The following SLC2A9 variants were observed in gnomAD, a reference collection of about 807,000 sequenced individuals.
SLC2A9 encodes the protein solute carrier family 2, facilitated glucose transporter member 9.
Under a neutral mutation model 50.6 loss-of-function variants are expected in SLC2A9, and 39 were observed. The observed-to-expected ratio is 0.77, with a 90% CI of 0.60 to 1.01. SLC2A9 has a LOEUF of 1.01. Among genes scored for constraint, SLC2A9 ranks in the 50% least tolerant of loss-of-function variants. The pLI, the probability that SLC2A9 is intolerant of heterozygous loss-of-function variation, is 0.00. For synonymous variants in SLC2A9, 324 were observed against 276.9 expected (o/e 1.17, Z -1.69); for missense variants, 686 against 677.6 (o/e 1.01, Z -0.14).
intron 10 of SLC2A9, among the ~76,000 whole-genome samples, chr4:9,864,079 A>T (rs1171016939): frequency 1.3e-5 from 2 of 152,008 alleles, no homozygotes; most frequent in African/African-American, 4.8e-5. Context: ...ACCATGCTTC[A>T]GTCTGCAAGT....
intron 10 of SLC2A9, among the ~76,000 whole-genome samples, chr4:9,838,477 C>A (rs1231986697): frequency 1.3e-5 from 2 of 152,130 alleles, no homozygotes; most frequent in African/African-American, 4.8e-5. Context: ...CTACCATTGA[C>A]ATTCTTCACA....
intron 11 of SLC2A9, among the ~76,000 whole-genome samples, chr4:9,830,394 A>G (rs1464130962): frequency 6.6e-6 from 1 of 152,204 alleles, no homozygotes; most frequent in Non-Finnish European, 1.5e-5. Context: ...TAGGAAGAAT[A>G]GCTAATGGAC....
Position 10,019,399 on chromosome 4 carries a change from T to G in SLC2A9, c.151-326A>C, listed in dbSNP as rs1763219146. The G allele has an allele frequency of 2.6e-5, 11 of 427,670 alleles. No homozygotes were observed. In the South Asian group the frequency reaches 3.2e-4, roughly 12 times the overall value. 26.5% of individuals were successfully genotyped at this position (427,670 alleles called of 1,614,324 possible). A position where few individuals can be genotyped will look rare whatever the true frequency, so the allele number is the denominator to read the frequency against. On this transcript the variant is annotated intron_variant, in intron 1 of 11. Coordinates refer to ENST00000264784, the MANE Select transcript of SLC2A9 (RefSeq NM_020041.3). ...ATCCTTTCAGCGAAGTTGGCGAGTGTCCGACCCAGACAGAAAAAAGCAAAG... is the reference window on the plus strand; with the variant it reads ...ATCCTTTCAGCGAAGTTGGCGAGTGGCCGACCCAGACAGAAAAAAGCAAAG...
upstream of SLC2A9, among the ~76,000 whole-genome samples, chr4:10,022,799 T>G (rs1393271232): frequency 6.6e-6 from 1 of 152,190 alleles, no homozygotes; most frequent in Non-Finnish European, 1.5e-5. Context: ...GGCCCTGACA[T>G]GCACGGTGGT....
At chr4:10,028,535 G>A (rs1471190013) in intron 1 of SLC2A9, among the ~76,000 whole-genome samples, 1 of 151,632 alleles carries the variant, frequency 6.6e-6, no homozygotes, top group Admixed American at 6.6e-5. Context: ...TCACAGGAAG[G>A]ACAACATTAT....
At chr4:9,779,104 C>T (rs116528390), downstream of SLC2A9, among the ~76,000 whole-genome samples, 953 of 152,286 alleles carry the variant, frequency 6.3e-3, 8 homozygotes, top group African/African-American at 0.022. Flanking sequence ...TATTAACTCA[C>T]TTCCCAGATG....
chr4:10,019,211 G>C, intron 1 of SLC2A9, 138 bp from the exon 2 acceptor site: 1 of 721,552 alleles, frequency 1.4e-6, no homozygotes, highest in Non-Finnish European at 2.4e-6. Context: ...GAGACAGAGA[G>C]AAGAGACGCA....
chr4:9,791,366 G>C (rs754524039), intron 3 of SLC2A9, among the ~76,000 whole-genome samples: 4 of 152,216 alleles, frequency 2.6e-5, no homozygotes, highest in Non-Finnish European at 2.9e-5. Context: ...CAGATACTGT[G>C]TCTCTCTAGT....
chr4:9,874,128 T>A (rs1441757027), intron 10 of SLC2A9, among the ~76,000 whole-genome samples: 1 of 152,208 alleles, frequency 6.6e-6, no homozygotes, highest in Non-Finnish European at 1.5e-5. Context: ...CAGTTTTACA[T>A]GTGTCCTAGG....
Position 9,826,509 on chromosome 4 carries a change from T to G in SLC2A9, c.1511A>C (p.Asn504Thr), listed in dbSNP as rs1445138560. ...YLYFVLPETK[N>T]RTYAEISQAF... ...CTGGCTGATTTCTGCATAGGTTCTG[T>G]TTTTGGTCTCAGGCAGCACAAAATA... The change falls in exon 12 of 12, where the codon AAC (asparagine) becomes ACC (threonine). Residue 504 changes from asparagine to threonine, a missense_variant. Coordinates refer to ENST00000264784, the MANE Select transcript of SLC2A9 (RefSeq NM_020041.3). 1.2e-6 allele frequency: 2 copies of G among 1,614,002 alleles called. No homozygotes were observed. Among genetic ancestry groups the G allele is most frequent in the Non-Finnish European group, 1.7e-6 (2 of 1,179,886 alleles).
chr4:9,835,114 T>C (rs1726816712), intron 10 of SLC2A9, 106 bp from the exon 11 acceptor site: 1 of 1,519,146 alleles, frequency 6.6e-7, no homozygotes, highest in South Asian at 1.2e-5. Flanking sequence ...CCCTGCCCCT[T>C]GACTGGATGT....
intron 10 of SLC2A9, among the ~76,000 whole-genome samples, chr4:9,852,541 C>T (rs368151121): frequency 9.5e-4 from 144 of 152,264 alleles, no homozygotes; most frequent in African/African-American, 2.9e-3. Context: ...CATGAGCCAC[C>T]GCGCCCGGCC....
At chr4:9,979,762 A>G (rs1450654924) in intron 5 of SLC2A9, among the ~76,000 whole-genome samples, 1 of 152,094 alleles carries the variant, frequency 6.6e-6, no homozygotes, top group Non-Finnish European at 1.5e-5. Context: ...CCCAGGGTGA[A>G]GTCTGTGGTG....
At chr4:9,787,101 C>T (rs1327891160) in intron 3 of SLC2A9, among the ~76,000 whole-genome samples, 1 of 152,202 alleles carries the variant, frequency 6.6e-6, no homozygotes, top group East Asian at 1.9e-4. Flanking sequence ...CCTTTCTGAG[C>T]TCCAGCTTCT....
At chr4:9,971,178 C>T (rs1415960872) in intron 5 of SLC2A9, among the ~76,000 whole-genome samples, 1 of 152,180 alleles carries the variant, frequency 6.6e-6, no homozygotes, top group Non-Finnish European at 1.5e-5. Flanking sequence ...TTGTCTGTGG[C>T]TCATCCTGCT....
intron 3 of SLC2A9, among the ~76,000 whole-genome samples, chr4:9,986,398 T>A (rs1460682475): frequency 1.3e-5 from 2 of 152,200 alleles, no homozygotes; most frequent in East Asian, 3.8e-4. Context: ...TCACTGGGAC[T>A]GGCAGGAAAC....
intron 8 of SLC2A9, among the ~76,000 whole-genome samples, chr4:9,901,378 A>G (rs1005875526): frequency 5.9e-5 from 9 of 152,194 alleles, no homozygotes; most frequent in African/African-American, 2.2e-4. Context: ...AATTGAACTC[A>G]GTCCTTTCGA....
At chr4:9,828,963 G>T (rs539910711) in intron 11 of SLC2A9, among the ~76,000 whole-genome samples, 1 of 152,254 alleles carries the variant, frequency 6.6e-6, no homozygotes, top group Admixed American at 6.5e-5. Flanking sequence ...GCTCAGAGAG[G>T]CTTCCTGCCG....
chr4:9,963,074 T>G (rs1752522216), intron 5 of SLC2A9, among the ~76,000 whole-genome samples: 1 of 152,146 alleles, frequency 6.6e-6, no homozygotes, highest in South Asian at 2.1e-4. Context: ...CTTCCACAGT[T>G]TAACATGGCT....
Sources: allele counts gnomAD v4.1 joint callset (sites outside exome capture counted in the v4.1 genomes callset), GRCh38; gene constraint gnomAD v4.1.1; transcripts MANE v1.5; gene names NCBI Gene and HGNC (gene_info 2026-07-23, HGNC 2026-07-21).